RBFA: variants seen among roughly 807,000 people sequenced by gnomAD.
RBFA encodes ribosome binding factor A, also known as putative ribosome-binding factor A, mitochondrial.
Under a neutral mutation model 27.9 loss-of-function variants are expected in RBFA, and 16 were observed. The ratio of observed to expected loss-of-function variants is 0.57; its 90% CI spans 0.39 to 0.87. The LOEUF (loss-of-function observed/expected upper bound fraction) is 0.87, where lower values mean the gene tolerates loss of function less well. RBFA is among the 40% of genes least tolerant of loss of function. The pLI is 0.00. For missense variants in RBFA, 456 were observed against 432.1 expected (o/e 1.06, Z -0.49); for synonymous variants, 181 against 181.0 (o/e 1.00, Z 0.00).
At position 80,034,527 on chromosome 18, in the gene RBFA, C is replaced by G. The variant is rs1308892543; in HGVS notation, c.32C>G (p.Ser11Cys). 2 of 1,587,992 alleles carry G rather than the reference C, an allele frequency of 1.3e-6. No homozygotes were observed. The highest frequency in any genetic ancestry group is 2.8e-5 in the African/African-American group (2 of 72,004). MWAAAGGLWR[S>C]RAGLRALFRS... ...GCTGCGGCGGGCGGGCTGTGGCGCT[C>G]CCGCGCGGGTCTCCGGGCCCTGTTC... The change falls in exon 1 of 7, where the codon TCC (serine) becomes TGC (cysteine). Residue 11 changes from serine (S) to cysteine (C), a missense_variant. Coordinates refer to ENST00000306735, the MANE Select transcript of RBFA (RefSeq NM_024805.3).
At chr18:80,038,657 C>T (rs758322805) in intron 4 of RBFA, 40 bp downstream of exon 4, 5 of 1,438,898 alleles carry the variant, frequency 3.5e-6, no homozygotes, top group Non-Finnish European at 3.9e-6. Context: ...GCTTTTTGCT[C>T]ATACCCTAAA....
intron 4 of RBFA, among the ~76,000 whole-genome samples, chr18:80,039,859 A>G (rs2052005286): frequency 6.6e-6 from 1 of 152,196 alleles, no homozygotes; most frequent in Non-Finnish European, 1.5e-5. Context: ...TTAATGTAGC[A>G]GAGTGTGACA....
intron 4 of RBFA, among the ~76,000 whole-genome samples, chr18:80,039,636 C>T (rs534234321): frequency 1.3e-5 from 2 of 152,348 alleles, no homozygotes; most frequent in Admixed American, 6.5e-5. Flanking sequence ...AACTTGTATT[C>T]ACCACTGTGA....
chr18:80,039,435 A>T (rs2145144919), intron 4 of RBFA, among the ~76,000 whole-genome samples: 1 of 152,334 alleles, frequency 6.6e-6, no homozygotes, highest in East Asian at 1.9e-4. Context: ...TGGGAAGTAC[A>T]TGTAAATCAC....
intron 6 of RBFA, among the ~76,000 whole-genome samples, chr18:80,044,739 C>A (rs1599770595): frequency 1.3e-5 from 2 of 152,198 alleles, no homozygotes; most frequent in East Asian, 3.9e-4. Flanking sequence ...GAAGTTTGGC[C>A]TGTGCATGTA....
chr18:80,039,566 G>A (rs1387297577), intron 4 of RBFA, among the ~76,000 whole-genome samples: 1 of 152,302 alleles, frequency 6.6e-6, no homozygotes, highest in East Asian at 1.9e-4. Flanking sequence ...GCAAACAACA[G>A]ACCATATCTG....
rs763528780 is a variant in RBFA, at chr18:80,038,554, C to A, written c.428C>A (p.Thr143Lys). 13 of 1,614,032 alleles carry A rather than the reference C, an allele frequency of 8.1e-6. No homozygotes were observed. Among genetic ancestry groups the A allele is most frequent in the Non-Finnish European group, 1.7e-6 (2 of 1,179,910 alleles). ...GCCTGCCGAGCGTACTGGAAGACAA[C>A]GCTCTCTGCTGAGCAGAACGCACAC... ...FSACRAYWKTTLSAEQNAHME... is the reference protein window; with the variant it reads ...FSACRAYWKTKLSAEQNAHME... The change falls in exon 4 of 7, where the codon ACG becomes AAG. Residue 143 changes from threonine (T) to lysine (K), a missense_variant. Physicochemically the swap from Thr to Lys is moderately conservative, Grantham distance 78 (BLOSUM62 -1). Transcript: ENST00000306735.
chr18:80,035,645 C>G (rs1224244425), intron 1 of RBFA: 1 of 152,206 alleles, frequency 6.6e-6, no homozygotes, highest in East Asian at 1.9e-4. Flanking sequence ...CTTTTTGCCC[C>G]CTTTCCTTAC....
intron 4 of RBFA, among the ~76,000 whole-genome samples, chr18:80,039,757 A>G (rs1568388165): frequency 6.6e-6 from 1 of 152,230 alleles, no homozygotes; most frequent in Non-Finnish European, 1.5e-5. Flanking sequence ...CTGCATAACT[A>G]GGTGAGCTGT....
At chr18:80,040,681 G>T (rs1056340950) in intron 4 of RBFA, among the ~76,000 whole-genome samples, 1 of 152,038 alleles carries the variant, frequency 6.6e-6, no homozygotes, top group African/African-American at 2.4e-5. Flanking sequence ...TTTGTGGGGG[G>T]GAGTGTATAT....
Position 80,046,772 on chromosome 18 carries a change from C to G in RBFA, c.*617C>G. Reference sequence around the variant, plus strand: ...GTTTGCTGGGGCTTCCTGGGCGACCCCGGCTCTGACCGTGGTTCCATCACG... The same window carrying G: ...GTTTGCTGGGGCTTCCTGGGCGACCGCGGCTCTGACCGTGGTTCCATCACG... On this transcript the variant is annotated 3_prime_UTR_variant, in exon 7 of 7. Transcript: ENST00000306735. 6.5e-6 allele frequency: 1 copy of G among 153,228 alleles called. No homozygotes were observed. The highest frequency in any genetic ancestry group is 1.5e-5 in the Non-Finnish European group (1 of 68,816). The allele number at this position is 153,228 out of a possible 1,614,324, so 9.5% of individuals were successfully genotyped here.
rs771705647 is a variant in RBFA, at chr18:80,046,184, G to T, written c.*29G>T. ...GAGAGGCTCTGCCCATCCCACATTTGCAGGGAAAAGCATTGGCACGCAACG... is the reference window on the plus strand; with the variant it reads ...GAGAGGCTCTGCCCATCCCACATTTTCAGGGAAAAGCATTGGCACGCAACG... On this transcript the variant is annotated 3_prime_UTR_variant, in exon 7 of 7. Transcript: ENST00000306735. 5 of 1,601,350 alleles carry T rather than the reference G, an allele frequency of 3.1e-6. No individual in the cohort carries two copies. Among genetic ancestry groups the T allele is most frequent in the Admixed American group, 1.7e-5 (1 of 59,360 alleles).
chr18:80,044,379 G>C (rs1173415193), intron 6 of RBFA, 94 bp downstream of exon 6: 2 of 1,102,038 alleles, frequency 1.8e-6, no homozygotes, highest in African/African-American at 1.5e-5. Context: ...GCCACATCCC[G>C]AGTAGCCTGC....
intron 4 of RBFA, among the ~76,000 whole-genome samples, chr18:80,039,251 C>G (rs1026977160): frequency 2.6e-5 from 4 of 152,182 alleles, no homozygotes; most frequent in Non-Finnish European, 4.4e-5. Context: ...TTCCTATCAG[C>G]CCAGGAATTT....
rs775331825 is a variant in RBFA at position 80,046,606 on chromosome 18, G to C, written c.*451G>C. Among the ~76,000 whole-genome samples the C allele has an allele frequency of 6.6e-6, 1 of 152,094 alleles. No homozygotes were observed. The highest frequency in any genetic ancestry group is 1.9e-4 in the East Asian group (1 of 5,146). Reference sequence around the variant, plus strand: ...GTCCCTGGGGCTGCTGGGCTGGCACGTGGCGCCGGGGGCTCCATCCCTGGG... The same window carrying C: ...GTCCCTGGGGCTGCTGGGCTGGCACCTGGCGCCGGGGGCTCCATCCCTGGG... On this transcript the variant is annotated 3_prime_UTR_variant, in exon 7 of 7. Transcript: ENST00000306735.
At position 80,049,381 on chromosome 18, in the gene RBFA, T is replaced by C. The variant is rs11081589; in HGVS notation, c.*3226T>C. Among the ~76,000 whole-genome samples the C allele has an allele frequency of 0.64, 97,329 of 151,788 alleles. 31,874 individuals carry two copies. Among genetic ancestry groups the C allele is most frequent in the Non-Finnish European group, 0.72 (48,603 of 67,932 alleles). On this transcript the variant is annotated 3_prime_UTR_variant, in exon 7 of 7. Transcript: ENST00000306735. ...ATGGGTCCACTCCCGGGGATTTCCA[T>C]GGCCTTCCCTGGATGATCCACTCCT...
chr18:80,034,477 CG>C lies in RBFA; in HGVS notation c.-16del, dbSNP rs1228743986. On this transcript the variant is annotated 5_prime_UTR_variant, in exon 1 of 7. Transcript: ENST00000306735. ...GCGCCCGTTGTCTCCCTGCTCGCTC[CG>C]GGTCCCGGCGCCGCGCCATGTGGGC... 6.6e-6 allele frequency: 10 copies of C among 1,508,958 alleles called. No individual in the cohort carries two copies. The highest frequency in any genetic ancestry group is 8.8e-6 in the Non-Finnish European group (10 of 1,139,156). The allele number at this position is 1,508,958 out of a possible 1,614,324, so 93.5% of individuals were successfully genotyped here.
Position 80,037,337 on chromosome 18 carries a change from A to G in RBFA, c.209A>G (p.Lys70Arg), listed in dbSNP as rs963971557. 26 of 1,613,778 alleles carry G rather than the reference A, an allele frequency of 1.6e-5. No homozygotes were observed. Among genetic ancestry groups the G allele is most frequent in the Non-Finnish European group, 2.1e-5 (25 of 1,179,948 alleles). The stretch of plus-strand genomic sequence containing the variant: ...CTCTTCTTCCTGATGGAGACTTACA[A>G]ACCATCCAAGTTGGAATTCCTCATG... ...SPSLGSHSTY[K>R]PSKLEFLMRS... Residue 70 changes from lysine to arginine, a missense_variant, in exon 3 of 7, where the codon AAA becomes AGA. Transcript: ENST00000306735.
chr18:80,042,082 C>A, intron 4 of RBFA, 53 bp from the exon 5 acceptor site: 1 of 1,374,790 alleles, frequency 7.3e-7, no homozygotes, highest in Non-Finnish European at 1.0e-6. Context: ...TGTCACGCCT[C>A]TCCACTGAGT....
Sources: allele counts gnomAD v4.1 joint callset (sites outside exome capture counted in the v4.1 genomes callset), GRCh38; gene constraint gnomAD v4.1.1; transcripts MANE v1.5; gene names NCBI Gene and HGNC (gene_info 2026-07-23, HGNC 2026-07-21).